The following RNF115 variants were observed in gnomAD, a reference collection of about 807,000 sequenced individuals.
RNF115 encodes ring finger protein 115.
RNF115 carries 31 observed loss-of-function variants against 39.2 expected under a neutral mutation model. The ratio of observed to expected loss-of-function variants is 0.79; its 90% CI spans 0.59 to 1.07. The LOEUF is 1.07. RNF115 is among the 50% of genes least tolerant of loss of function. The probability of loss-of-function intolerance (pLI) is 0.00; values close to 1 mark genes in which losing one functional copy is unlikely to be tolerated. For synonymous variants in RNF115, 124 were observed against 131.0 expected (o/e 0.95, Z 0.37); for missense variants, 384 against 381.7 (o/e 1.01, Z -0.05).
At chr1:145,780,583 G>A (rs1648095349) in intron 3 of RNF115, among the ~76,000 whole-genome samples, 2 of 136,548 alleles carry the variant, frequency 1.5e-5, no homozygotes, top group African/African-American at 5.6e-5. Flanking sequence ...TTGCGCCACT[G>A]CACCCCAGCC....
intron 1 of RNF115, among the ~76,000 whole-genome samples, chr1:145,804,577 G>A (rs1553721354): frequency 6.6e-6 from 1 of 151,842 alleles, no homozygotes; most frequent in African/African-American, 2.4e-5. Context: ...GTGTGACACT[G>A]GGTAGCTCAC....
At chr1:145,774,770 T>C (rs984769013) in intron 3 of RNF115, among the ~76,000 whole-genome samples, 2 of 152,228 alleles carry the variant, frequency 1.3e-5, no homozygotes, top group East Asian at 1.9e-4. Flanking sequence ...TTATGTCTTA[T>C]CTTGTTTCAT....
At chr1:145,796,452 G>A (rs1427171099) in intron 1 of RNF115, among the ~76,000 whole-genome samples, 9 of 150,774 alleles carry the variant, frequency 6.0e-5, no homozygotes, top group Admixed American at 4.0e-4. Context: ...TCTGAGACAG[G>A]GTCTCCCTCT....
At chr1:145,820,044 AT>A (rs2101617207) in intron 1 of RNF115, among the ~76,000 whole-genome samples, 1 of 143,288 alleles carries the variant, frequency 7.0e-6, no homozygotes, top group Non-Finnish European at 1.5e-5. Context: ...TCTCAAAAAA[AT>A]AAATAAATAA....
chr1:145,787,772 C>T (rs782395155), intron 2 of RNF115, among the ~76,000 whole-genome samples: 2 of 150,914 alleles, frequency 1.3e-5, no homozygotes, highest in Middle Eastern at 6.9e-3. Flanking sequence ...ACCTGTAGTC[C>T]CAGCTACTGG....
In RNF115 at chr1:145,748,013, A is replaced by G; in HGVS notation, c.765T>C (p.Ile255=). 1.2e-6 allele frequency: 2 copies of G among 1,613,012 alleles called. No homozygotes were observed. The highest frequency in any genetic ancestry group is 1.7e-6 in the Non-Finnish European group (2 of 1,178,984). ...PCNHFFHSSC[I]VPWLELHDTC... is the part of the protein sequence containing the mutation. ...TACTCACCAGTTCTAGCCACGGCAC[A>G]ATACAACTGCTGTGAAAGAAGTGAT... Residue 255 remains isoleucine, a synonymous_variant, in exon 8 of 9, where the codon ATT becomes ATC. Coordinates refer to ENST00000582693, the MANE Select transcript of RNF115 (RefSeq NM_014455.4).
intron 4 of RNF115, among the ~76,000 whole-genome samples, chr1:145,767,588 T>C (rs1647401165): frequency 6.6e-6 from 1 of 152,224 alleles, no homozygotes; most frequent in African/African-American, 2.4e-5. Flanking sequence ...GGGCAGAGGC[T>C]GCAATCTCGG....
chr1:145,763,825 A>C (rs891528922), intron 4 of RNF115, among the ~76,000 whole-genome samples: 4 of 152,180 alleles, frequency 2.6e-5, no homozygotes, highest in Non-Finnish European at 5.9e-5. Context: ...GTGTTGACCT[A>C]ACACAAAGGA....
At chr1:145,814,981 A>T (rs1195961425) in intron 1 of RNF115, among the ~76,000 whole-genome samples, 4 of 152,264 alleles carry the variant, frequency 2.6e-5, no homozygotes, top group Admixed American at 6.5e-5. Context: ...CAATTAAAAA[A>T]TATTTAATTA....
chr1:145,789,982 G>A lies in RNF115; in HGVS notation c.103-1016C>T, dbSNP rs80086482. On this transcript the variant is annotated intron_variant, in intron 1 of 8. Transcript: ENST00000582693. ...GAAAGTGCTGGGATTACAGGCACGA[G>A]CCACCACGCCCAGTCCCGGCCTAGT... Among the ~76,000 whole-genome samples the A allele has an allele frequency of 3.3e-5, 5 of 152,128 alleles. No homozygotes were observed. The East Asian group carries it at 9.7e-4, about 29-fold the overall frequency.
At chr1:145,770,257 G>A (rs767315191) in intron 4 of RNF115, among the ~76,000 whole-genome samples, 101 of 152,116 alleles carry the variant, frequency 6.6e-4, no homozygotes, top group Non-Finnish European at 1.2e-3. Flanking sequence ...GCATATATTA[G>A]GAACCAAAAG....
intron 4 of RNF115, among the ~76,000 whole-genome samples, chr1:145,761,379 G>C (rs151179262): frequency 3.1e-3 from 478 of 152,264 alleles, no homozygotes; most frequent in African/African-American, 0.011. Context: ...AGGAAAAAGT[G>C]GTTTTGTGGG....
intron 4 of RNF115, among the ~76,000 whole-genome samples, chr1:145,760,975 G>A (rs1232493226): frequency 6.6e-6 from 1 of 152,168 alleles, no homozygotes; most frequent in East Asian, 1.9e-4. Flanking sequence ...AAACTTGTTG[G>A]GAACTGGAGC....
chr1:145,789,469 G>A (rs946880191), intron 1 of RNF115, among the ~76,000 whole-genome samples: 8 of 151,572 alleles, frequency 5.3e-5, no homozygotes, highest in African/African-American at 1.9e-4. Context: ...CATGATCTCG[G>A]CTCACGGCAA....
In RNF115 at chr1:145,794,691, G is replaced by A. The variant is rs587602129; in HGVS notation, c.103-5725C>T. ...CTCACTGACTTCAAAAATGAAGCGCGGACCCTCCCGGTGAGTGTTACACTT... is the reference window on the plus strand; with the variant it reads ...CTCACTGACTTCAAAAATGAAGCGCAGACCCTCCCGGTGAGTGTTACACTT... On this transcript the variant is annotated intron_variant, in intron 1 of 8. Transcript: ENST00000582693. Among the ~76,000 whole-genome samples the A allele has an allele frequency of 5.3e-5, 8 of 150,894 alleles. No individual in the cohort carries two copies. The South Asian group carries it at 1.1e-3, about 20-fold the overall frequency.
At chr1:145,765,662 T>C (rs1438328683) in intron 4 of RNF115, among the ~76,000 whole-genome samples, 1 of 152,158 alleles carries the variant, frequency 6.6e-6, no homozygotes, top group Non-Finnish European at 1.5e-5. Context: ...TATAAATTTA[T>C]AAATTAATCT....
intron 4 of RNF115, among the ~76,000 whole-genome samples, chr1:145,768,737 G>C (rs1647497165): frequency 6.6e-6 from 1 of 152,178 alleles, no homozygotes. Flanking sequence ...GGACAAAACT[G>C]TTATCAGGAA....
chr1:145,783,492 C>T (rs1182706013), intron 3 of RNF115, among the ~76,000 whole-genome samples: 4 of 152,146 alleles, frequency 2.6e-5, no homozygotes, highest in Non-Finnish European at 5.9e-5. Context: ...AAATATACTA[C>T]TAGTACAATT....
rs587718408 is a variant in RNF115, at chr1:145,788,811, T to A, written c.161+97A>T. On this transcript the variant is annotated intron_variant, in intron 2 of 8. Coordinates refer to ENST00000582693, the MANE Select transcript of RNF115 (RefSeq NM_014455.4). ...TCTCACTCTCGCTCTCTCTGTAGAG[T>A]GTAAGTTGTAAAACAAATTCAACTT... The A allele has an allele frequency of 2.2e-5, 19 of 872,480 alleles. No homozygotes were observed. In the Admixed American group the frequency reaches 3.1e-4, roughly 14 times the overall value. 54.0% of individuals were successfully genotyped at this position (872,480 alleles called of 1,614,324 possible).
Sources: gnomAD v4.1 joint callset for allele counts (sites outside exome capture counted in the v4.1 genomes callset) on GRCh38, gnomAD v4.1.1 for gene constraint, MANE v1.5 for transcripts, NCBI Gene and HGNC (gene_info 2026-07-23, HGNC 2026-07-21) for gene names.